NPR1: variants seen among roughly 807,000 people sequenced by gnomAD.
NPR1 encodes natriuretic peptide receptor 1.
In NPR1, 57 loss-of-function variants were observed where a neutral mutation model predicts 116.9. The observed-to-expected ratio is 0.49, with a 90% CI of 0.39 to 0.61. The LOEUF is 0.61. Ranked by LOEUF, NPR1 falls within the 20% of genes least tolerant of loss-of-function variation. The pLI, the probability that NPR1 is intolerant of heterozygous loss-of-function variation, is 0.00. For synonymous variants in NPR1, 555 were observed against 601.6 expected (o/e 0.92, Z 1.13); for missense variants, 1,096 against 1,409.8 (o/e 0.78, Z 3.56).
At position 153,689,110 on chromosome 1, in the gene NPR1, G is replaced by A; in HGVS notation, c.2564+11G>A. The A allele has an allele frequency of 6.2e-7, 1 of 1,614,072 alleles. No homozygotes were observed. Among genetic ancestry groups the A allele is most frequent in the Non-Finnish European group, 8.5e-7 (1 of 1,179,938 alleles). ...CCAGATCCTGCCTCAGTGAGTGCCT[G>A]AGTCTGGGGACCCCCCCCAACACAA... On this transcript the variant is annotated intron_variant, in intron 16 of 21. Transcript: ENST00000368680. This position sits in a 1 kb window ranked among gnomAD's most constrained non-coding sequence, Gnocchi z 5.1.
intron 7 of NPR1, among the ~76,000 whole-genome samples, chr1:153,684,683 C>G (rs964951122): frequency 6.6e-6 from 1 of 152,108 alleles, no homozygotes; most frequent in African/African-American, 2.4e-5. Flanking sequence ...AGCCACTGTG[C>G]CTGGCCTCAT....
rs149697676 is a variant in NPR1 at position 153,679,537 on chromosome 1, G to C, written c.429G>C (p.Ala143=). 2,233 of 1,539,814 alleles carry C rather than the reference G, an allele frequency of 1.5e-3. 26 individuals carry two copies. The African/African-American group carries it at 0.028, about 19-fold the overall frequency. The change falls in exon 1 of 22, where the codon GCG becomes GCC. Residue 143 remains alanine (A), a synonymous_variant. Transcript: ENST00000368680. The surrounding 1 kb of genome is among the most constrained non-coding windows in gnomAD (Gnocchi z 4.2). The stretch of plus-strand genomic sequence containing the variant: ...CGCTGCTGACCGCCGGCGCCCCGGC[G>C]CTGGGCTTCGGTGTCAAGGACGAGT... ...RVPLLTAGAP[A]LGFGVKDEYA... is the part of the protein sequence containing the mutation.
At position 153,678,972 on chromosome 1, in the gene NPR1, C is replaced by T; in HGVS notation, c.-137C>T. ...GTCGCAGCTACAGGGGGCCTCGAGC[C>T]CCGGGGTGAGCGTCCCCGTCCCGCT... On this transcript the variant is annotated 5_prime_UTR_variant, in exon 1 of 22. Transcript: ENST00000368680. This position sits in a 1 kb window ranked among gnomAD's most constrained non-coding sequence, Gnocchi z 5.8. The T allele has an allele frequency of 8.6e-7, 1 of 1,168,784 alleles. No homozygotes were observed. The highest frequency in any genetic ancestry group is 1.1e-6 in the Non-Finnish European group (1 of 894,792). 72.4% of individuals were successfully genotyped at this position (1,168,784 alleles called of 1,614,324 possible).
chr1:153,687,143 T>A, intron 12 of NPR1, 56 bp downstream of exon 12: 2 of 1,613,778 alleles, frequency 1.2e-6, no homozygotes, highest in East Asian at 2.2e-5. Context: ...ATGCTTCTCC[T>A]GGCCACGGGT....
chr1:153,682,671 C>A (rs1669815840), intron 5 of NPR1, 82 bp downstream of exon 5: 1 of 1,037,044 alleles, frequency 9.6e-7, no homozygotes, highest in South Asian at 1.3e-5. Flanking sequence ...CCTGCCAGGG[C>A]ACCTGTTTAT....
chr1:153,685,949 G>C, intron 9 of NPR1, 69 bp downstream of exon 9: 1 of 1,509,832 alleles, frequency 6.6e-7, no homozygotes, highest in Non-Finnish European at 9.2e-7. Context: ...AGGACTGGTG[G>C]GGGGTTCTGA....
intron 20 of NPR1, among the ~76,000 whole-genome samples, chr1:153,692,531 CAG>C (rs1269173701): frequency 7.1e-6 from 1 of 141,652 alleles, no homozygotes; most frequent in African/African-American, 2.7e-5. Flanking sequence ...TTTTTGGAGA[CAG>C]AGTTTCGCTC....
chr1:153,687,991 C>T (rs924408792), intron 14 of NPR1, 62 bp from the exon 15 acceptor site: 14 of 1,264,798 alleles, frequency 1.1e-5, no homozygotes, highest in Non-Finnish European at 1.3e-5. Context: ...GCTGGTTGCC[C>T]CAGTCTCTCA....
chr1:153,681,348 C>A, intron 3 of NPR1, 55 bp downstream of exon 3: 2 of 988,400 alleles, frequency 2.0e-6, no homozygotes, highest in South Asian at 1.3e-5. Flanking sequence ...CACTCCATGA[C>A]CCTCTGCCAG....
chr1:153,684,875 G>A, intron 7 of NPR1, 89 bp from the exon 8 acceptor site: 1 of 1,524,872 alleles, frequency 6.6e-7, no homozygotes, highest in Non-Finnish European at 9.0e-7. Flanking sequence ...TGCATGGTGT[G>A]GTCCCACGGC....
chr1:153,685,989 G>A, intron 9 of NPR1, 109 bp downstream of exon 9: 1 of 1,387,936 alleles, frequency 7.2e-7, no homozygotes, highest in South Asian at 1.2e-5. Context: ...GGGAGCAGCA[G>A]ATGGGGGCCC....
chr1:153,678,970 G>A lies in NPR1; in HGVS notation c.-139G>A, dbSNP rs143661714. 2.1e-3 allele frequency: 2,451 copies of A among 1,155,394 alleles called. 9 individuals carry two copies. Among genetic ancestry groups the A allele is most frequent in the Non-Finnish European group, 2.6e-3 (2,288 of 882,726 alleles). 71.6% of individuals were successfully genotyped at this position (1,155,394 alleles called of 1,614,324 possible). A position where few individuals can be genotyped will look rare whatever the true frequency, so the allele number is the denominator to read the frequency against. On this transcript the variant is annotated 5_prime_UTR_variant, in exon 1 of 22. Transcript: ENST00000368680. This position sits in a 1 kb window ranked among gnomAD's most constrained non-coding sequence, Gnocchi z 5.8. ...CCGTCGCAGCTACAGGGGGCCTCGA[G>A]CCCCGGGGTGAGCGTCCCCGTCCCG...
At chr1:153,687,400 C>A in intron 13 of NPR1, 44 bp downstream of exon 13, 2 of 1,598,802 alleles carry the variant, frequency 1.3e-6, no homozygotes, top group Non-Finnish European at 8.5e-7. Flanking sequence ...CCAGCACCAC[C>A]CAGTAGGGAG....
Position 153,689,713 on chromosome 1 carries a change from G to A in NPR1, c.2758-93G>A, listed in dbSNP as rs1355208361. 3.7e-6 allele frequency: 5 copies of A among 1,357,880 alleles called. No homozygotes were observed. In the African/African-American group the frequency reaches 4.3e-5, roughly 12 times the overall value. 84.1% of individuals were successfully genotyped at this position (1,357,880 alleles called of 1,614,324 possible). A position where few individuals can be genotyped will look rare whatever the true frequency, so the allele number is the denominator to read the frequency against. ...GGGGGATGAGCAAAGACAGATGAGGGTACAGAATGACAGACGCTGCACCCG... is the reference window on the plus strand; with the variant it reads ...GGGGGATGAGCAAAGACAGATGAGGATACAGAATGACAGACGCTGCACCCG... On this transcript the variant is annotated intron_variant, in intron 18 of 21. Transcript: ENST00000368680. The surrounding 1 kb of genome is among the most constrained non-coding windows in gnomAD (Gnocchi z 5.1).
In NPR1 at chr1:153,687,601, C is replaced by T. The variant is rs774688492; in HGVS notation, c.2093-33C>T. 6.5e-6 allele frequency: 10 copies of T among 1,549,530 alleles called. No individual in the cohort carries two copies. The East Asian group carries it at 2.0e-4, about 32-fold the overall frequency. On this transcript the variant is annotated intron_variant, in intron 13 of 21. Transcript: ENST00000368680. ...CCCTCACCCCTTAGCTTTGGGCTCC[C>T]TCACTCGGTGACTACCGACCTCTGA...
In NPR1 at chr1:153,693,422, C is replaced by T. The variant is rs1271676661; in HGVS notation, c.*8C>T. 1 of 1,590,298 alleles carries T rather than the reference C, an allele frequency of 6.3e-7. No individual in the cohort carries two copies. ...AGTAGCACCCGAGGCTGACCTGCCT[C>T]CTCTCCTATCCCTCCACACCTCCCT... On this transcript the variant is annotated 3_prime_UTR_variant, in exon 22 of 22. Transcript: ENST00000368680.
intron 9 of NPR1, 115 bp from the exon 10 acceptor site, chr1:153,686,008 G>T: frequency 2.2e-6 from 3 of 1,372,652 alleles, no homozygotes; most frequent in African/African-American, 2.8e-5. Flanking sequence ...CCTGGGGGTG[G>T]GCTATTGGGA....
intron 12 of NPR1, 24 bp downstream of exon 12, chr1:153,687,111 A>T (rs374884506): frequency 9.3e-6 from 15 of 1,613,852 alleles, no homozygotes; most frequent in Non-Finnish European, 1.3e-5. Context: ...CACCTATTGG[A>T]TGTGTAGAGC....
intron 15 of NPR1, 54 bp from the exon 16 acceptor site, chr1:153,688,898 CG>C (rs34402066): frequency 0.46 from 737,806 of 1,609,768 alleles, 173,905 homozygotes; most frequent in East Asian, 0.68. Flanking sequence ...CGGGCGCTCA[CG>C]GTAGGCTGTG....
Sources: gnomAD v4.1 joint callset for allele counts (sites outside exome capture counted in the v4.1 genomes callset) on GRCh38, gnomAD v4.1.1 for gene constraint, Gnocchi (gnomAD v3.1) non-coding constraint, MANE v1.5 for transcripts, NCBI Gene and HGNC (gene_info 2026-07-23, HGNC 2026-07-21) for gene names.